NAALADL2: variants seen among roughly 807,000 people sequenced by gnomAD.
NAALADL2 encodes N-acetylated alpha-linked acidic dipeptidase like 2, also known as inactive N-acetylated-alpha-linked acidic dipeptidase-like protein 2.
Under a neutral mutation model 87.2 loss-of-function variants are expected in NAALADL2, and 76 were observed. That is an observed-to-expected ratio of 0.87 (90% CI 0.72 to 1.05). NAALADL2 has a LOEUF of 1.05. NAALADL2 is among the 50% of genes least tolerant of loss of function. The probability of loss-of-function intolerance (pLI) is 0.00; values close to 1 mark genes in which losing one functional copy is unlikely to be tolerated. For missense variants in NAALADL2, 1,089 were observed against 945.8 expected (o/e 1.15, Z -1.99); for synonymous variants, 354 against 331.0 (o/e 1.07, Z -0.75).
At chr3:175,387,630 A>T (rs1337285955) in intron 5 of NAALADL2, among the ~76,000 whole-genome samples, 1 of 152,142 alleles carries the variant, frequency 6.6e-6, no homozygotes, top group Non-Finnish European at 1.5e-5. Context: ...AGTAATGTAA[A>T]AGAATAAAAC....
At chr3:174,600,268 C>T (rs1320185303) in intron 2 of NAALADL2, among the ~76,000 whole-genome samples, 1 of 151,970 alleles carries the variant, frequency 6.6e-6, no homozygotes, top group African/African-American at 2.4e-5. Context: ...CAACCTTTAG[C>T]ACGGGGATTA....
intron 1 of NAALADL2, among the ~76,000 whole-genome samples, chr3:174,502,334 C>T (rs1219021169): frequency 6.6e-6 from 1 of 152,160 alleles, no homozygotes; most frequent in Admixed American, 6.5e-5. Flanking sequence ...TTATAGTTCA[C>T]TTCAAATTTA....
At chr3:175,502,449 G>C (rs113296828) in intron 9 of NAALADL2, among the ~76,000 whole-genome samples, 2,649 of 152,200 alleles carry the variant, frequency 0.017, 86 homozygotes, top group African/African-American at 0.059. Context: ...TCACTGCTTC[G>C]ATCTGGGACG....
chr3:174,915,532 A>G (rs1237997219), intron 1 of NAALADL2, among the ~76,000 whole-genome samples: 1 of 152,112 alleles, frequency 6.6e-6, no homozygotes, highest in East Asian at 1.9e-4. Flanking sequence ...CATTCTATTG[A>G]TGGATATGTT....
intron 1 of NAALADL2, among the ~76,000 whole-genome samples, chr3:174,500,583 G>T (rs565449341): frequency 9.9e-5 from 15 of 152,134 alleles, no homozygotes; most frequent in African/African-American, 3.4e-4. Flanking sequence ...ATGTTAAATG[G>T]ACATTGTTTT....
chr3:174,607,127 G>A (rs904778733), intron 2 of NAALADL2, among the ~76,000 whole-genome samples: 2 of 151,936 alleles, frequency 1.3e-5, no homozygotes, highest in East Asian at 1.9e-4. Context: ...GAGAGATTTT[G>A]TCACCACCAG....
chr3:175,555,412 A>T (rs1279362885), intron 9 of NAALADL2, among the ~76,000 whole-genome samples: 2 of 152,212 alleles, frequency 1.3e-5, no homozygotes, highest in African/African-American at 4.8e-5. Flanking sequence ...TCTTATCTGT[A>T]GTCAAATGTA....
intron 12 of NAALADL2, among the ~76,000 whole-genome samples, chr3:175,754,592 C>T (rs1583121074): frequency 1.3e-5 from 2 of 152,284 alleles, no homozygotes; most frequent in East Asian, 3.9e-4. Context: ...ACCCAGTAGT[C>T]ACATGACAAC....
chr3:175,307,976 C>T (rs1487624197), intron 4 of NAALADL2, among the ~76,000 whole-genome samples: 1 of 152,184 alleles, frequency 6.6e-6, no homozygotes, highest in East Asian at 1.9e-4. Flanking sequence ...TAATTATTTA[C>T]TCCCACTTGA....
intron 11 of NAALADL2, among the ~76,000 whole-genome samples, chr3:175,734,493 C>T (rs144983732): frequency 6.6e-6 from 1 of 152,028 alleles, no homozygotes; most frequent in East Asian, 1.9e-4. Flanking sequence ...GGAGGCGGAG[C>T]TTGCAGTGAG....
intron 9 of NAALADL2, among the ~76,000 whole-genome samples, chr3:175,536,888 A>T (rs1007944965): frequency 6.6e-6 from 1 of 152,184 alleles, no homozygotes; most frequent in Non-Finnish European, 1.5e-5. Context: ...AGCCTGAGGC[A>T]GGAGAATGGC....
chr3:175,463,316 T>G, intron 6 of NAALADL2, 85 bp from the exon 7 acceptor site: 2 of 792,202 alleles, frequency 2.5e-6, no homozygotes, highest in Non-Finnish European at 2.0e-6. Flanking sequence ...CTTTTGCTGA[T>G]GATATTGGAT....
At chr3:174,758,878 A>G (rs1578812096) in intron 3 of NAALADL2, among the ~76,000 whole-genome samples, 2 of 152,160 alleles carry the variant, frequency 1.3e-5, no homozygotes, top group African/African-American at 2.4e-5. Flanking sequence ...AATTTTGAAC[A>G]TTTTACAGTG....
chr3:175,623,981 T>A (rs1726624432), intron 10 of NAALADL2, among the ~76,000 whole-genome samples: 1 of 152,034 alleles, frequency 6.6e-6, no homozygotes, highest in Non-Finnish European at 1.5e-5. Flanking sequence ...ATTATTTTTT[T>A]CCTTCCTGAT....
At chr3:175,229,274 G>T (rs1206511860) in intron 2 of NAALADL2, among the ~76,000 whole-genome samples, 1 of 151,662 alleles carries the variant, frequency 6.6e-6, no homozygotes, top group Admixed American at 6.6e-5. Context: ...TAATTATTTT[G>T]CATGTGATAT....
At chr3:174,568,891 A>G (rs1714602360) in intron 2 of NAALADL2, among the ~76,000 whole-genome samples, 1 of 151,510 alleles carries the variant, frequency 6.6e-6, no homozygotes, top group Non-Finnish European at 1.5e-5. Context: ...TTTCGAAAAT[A>G]TAACTGAATT....
chr3:174,909,163 C>G (rs1435922667), intron 1 of NAALADL2, among the ~76,000 whole-genome samples: 3 of 151,970 alleles, frequency 2.0e-5, no homozygotes, highest in Admixed American at 2.0e-4. Flanking sequence ...CCCAGGCAGG[C>G]GGATCACCTC....
At chr3:175,774,120 A>C (rs1749892136) in intron 13 of NAALADL2, among the ~76,000 whole-genome samples, 1 of 152,062 alleles carries the variant, frequency 6.6e-6, no homozygotes, top group Non-Finnish European at 1.5e-5. Context: ...TGTTTCTAAT[A>C]CACACTATTA....
intron 2 of NAALADL2, among the ~76,000 whole-genome samples, chr3:175,199,450 T>G (rs1993740): frequency 1.3e-5 from 2 of 151,834 alleles, no homozygotes; most frequent in South Asian, 2.1e-4. Context: ...TTATAATGCT[T>G]TCTTTACATA....
Sources: gnomAD v4.1 joint callset for allele counts (sites outside exome capture counted in the v4.1 genomes callset) on GRCh38, gnomAD v4.1.1 for gene constraint, MANE v1.5 for transcripts, NCBI Gene and HGNC (gene_info 2026-07-23, HGNC 2026-07-21) for gene names.